PVT1: variants seen among roughly 807,000 people sequenced by gnomAD.
The protein encoded by PVT1 is Pvt1 oncogene, also known as CXCR4/PVT1 fusion.
chr8:127,847,391 G>A (rs1261867143), intron 2 of PVT1, among the ~76,000 whole-genome samples: 2 of 152,228 alleles, frequency 1.3e-5, no homozygotes, highest in Admixed American at 6.5e-5. Context: ...CCTTTGGGAA[G>A]AATTATGGCC....
intron 2 of PVT1, among the ~76,000 whole-genome samples, chr8:127,884,772 T>C (rs901374469): frequency 6.6e-6 from 1 of 152,236 alleles, no homozygotes; most frequent in Non-Finnish European, 1.5e-5. Flanking sequence ...GAAATCCCGG[T>C]GTACAATGCC....
In PVT1 at chr8:127,904,149, GA is replaced by G. The variant is rs201997613; in HGVS notation, n.782+13154del. 3.4e-4 allele frequency among the ~76,000 whole-genome samples: 51 copies of G among 152,238 alleles called. No individual in the cohort carries two copies. The East Asian group carries it at 9.3e-3, about 28-fold the overall frequency. On this transcript the variant is annotated intron_variant and non_coding_transcript_variant, in intron 3 of 10. Coordinates refer to ENST00000651587, the Ensembl canonical transcript of PVT1. The stretch of plus-strand genomic sequence containing the variant: ...TAGAGATCTTTCACCTCCTTGGTTA[GA>G]AAGTATTACTAGATATTTTATTTAT...
chr8:128,014,672 C>T (rs146601642), intron 4 of PVT1, among the ~76,000 whole-genome samples: 3 of 152,306 alleles, frequency 2.0e-5, no homozygotes, highest in African/African-American at 7.2e-5. Context: ...TTCAAAGTAA[C>T]AAGAAAGCTT....
intron 6 of PVT1, among the ~76,000 whole-genome samples, chr8:128,097,647 T>C (rs566730988): frequency 1.5e-4 from 23 of 152,262 alleles, no homozygotes; most frequent in Admixed American, 1.4e-3. Context: ...TTATCAACAC[T>C]GAGGCAGGTG....
intron 4 of PVT1, among the ~76,000 whole-genome samples, chr8:128,024,368 C>T (rs1047963325): frequency 7.9e-5 from 12 of 152,038 alleles, no homozygotes; most frequent in African/African-American, 2.9e-4. Flanking sequence ...CCCAGCATTT[C>T]GGGGAGCAAT....
intron 4 of PVT1, among the ~76,000 whole-genome samples, chr8:128,007,401 A>T (rs1417672648): frequency 1.3e-5 from 2 of 151,680 alleles, no homozygotes; most frequent in South Asian, 2.1e-4. Context: ...TACTTTGTAC[A>T]TCTGAAATTA....
intron 2 of PVT1, among the ~76,000 whole-genome samples, chr8:127,831,895 T>C (rs1050179535): frequency 6.6e-6 from 1 of 152,238 alleles, no homozygotes; most frequent in Non-Finnish European, 1.5e-5. Flanking sequence ...TCTCTCTTCA[T>C]TGCCTTTTGC....
intron 2 of PVT1, among the ~76,000 whole-genome samples, chr8:127,819,040 A>G (rs1342295223): frequency 6.6e-6 from 1 of 152,110 alleles, no homozygotes; most frequent in Non-Finnish European, 1.5e-5. Context: ...TATTCTTAGT[A>G]CAGATGGGGT....
At chr8:128,073,201 A>T (rs1006093087) in intron 5 of PVT1, among the ~76,000 whole-genome samples, 18 of 152,078 alleles carry the variant, frequency 1.2e-4, no homozygotes, top group Non-Finnish European at 5.9e-5. Flanking sequence ...CTGAATGGGG[A>T]TCTCAAGCTC....
At chr8:128,078,885 A>C (rs1043989036) in intron 5 of PVT1, among the ~76,000 whole-genome samples, 11 of 152,180 alleles carry the variant, frequency 7.2e-5, no homozygotes, top group Admixed American at 2.6e-4. Context: ...TCCTGGGCTC[A>C]AGCAATTCTC....
intron 2 of PVT1, among the ~76,000 whole-genome samples, chr8:127,877,361 T>A (rs1460664478): frequency 6.6e-6 from 1 of 152,226 alleles, no homozygotes; most frequent in African/African-American, 2.4e-5. Context: ...TGAGGATACA[T>A]GGGGATTAAG....
At chr8:127,975,434 A>G (rs1013941897) in intron 3 of PVT1, among the ~76,000 whole-genome samples, 1 of 151,948 alleles carries the variant, frequency 6.6e-6, no homozygotes, top group Non-Finnish European at 1.5e-5. Flanking sequence ...GTGTTTACCA[A>G]CTCTCTTTGG....
intron 2 of PVT1, among the ~76,000 whole-genome samples, chr8:127,889,836 C>T (rs1815578118): frequency 6.6e-6 from 1 of 152,124 alleles, no homozygotes; most frequent in Non-Finnish European, 1.5e-5. Flanking sequence ...GAGTTTTTAG[C>T]CGATACATCA....
In PVT1 at chr8:127,842,156, T is replaced by C. The variant is rs562741045; in HGVS notation, n.372+46085T>C. ...TTGCAGAAATAGTTTTTTGAATCCA[T>C]GGATTTAATGCTTTCCTCTTTAAAT... is the stretch of plus-strand genomic sequence containing the variant. On this transcript the variant is annotated intron_variant and non_coding_transcript_variant, in intron 2 of 10. Transcript: ENST00000651587. Among the ~76,000 whole-genome samples, 10 of 151,866 alleles carry C rather than the reference T, an allele frequency of 6.6e-5. 1 individual carries two copies. In the South Asian group the frequency reaches 2.1e-3, roughly 31 times the overall value.
intron 2 of PVT1, among the ~76,000 whole-genome samples, chr8:127,879,003 C>T (rs1055646439): frequency 4.6e-5 from 7 of 152,166 alleles, no homozygotes; most frequent in African/African-American, 9.7e-5. Context: ...TCATGGATGA[C>T]GTGAAGAAAT....
intron 2 of PVT1, among the ~76,000 whole-genome samples, chr8:127,802,822 C>T (rs1814480788): frequency 6.6e-6 from 1 of 152,108 alleles, no homozygotes; most frequent in South Asian, 2.1e-4. Flanking sequence ...GATGTAACTG[C>T]TAGGAGAGAA....
intron 2 of PVT1, among the ~76,000 whole-genome samples, chr8:127,873,196 G>T (rs1563626974): frequency 6.6e-6 from 1 of 152,106 alleles, no homozygotes; most frequent in Non-Finnish European, 1.5e-5. Flanking sequence ...GAGAAATCTG[G>T]GCAGGCTCAG....
chr8:127,914,224 A>G (rs1017462251), intron 3 of PVT1, among the ~76,000 whole-genome samples: 2 of 136,738 alleles, frequency 1.5e-5, no homozygotes, highest in African/African-American at 5.4e-5. Flanking sequence ...CATACCTACT[A>G]GGATGGCTGT....
intron 2 of PVT1, among the ~76,000 whole-genome samples, chr8:127,808,328 G>T (rs575357298): frequency 6.6e-6 from 1 of 152,164 alleles, no homozygotes; most frequent in Non-Finnish European, 1.5e-5. Context: ...GATTACAGGC[G>T]TGAGCCACGG....
Sources: gnomAD v4.1 joint callset for allele counts (sites outside exome capture counted in the v4.1 genomes callset) on GRCh38, gnomAD v4.1.1 for gene constraint, MANE v1.5 for transcripts, NCBI Gene and HGNC (gene_info 2026-07-23, HGNC 2026-07-21) for gene names.